The following PAX1 variants were observed in gnomAD, a reference collection of about 807,000 sequenced individuals.
PAX1 encodes paired box protein Pax-1.
A neutral mutation model predicts 35.6 loss-of-function variants in PAX1; 18 were observed. The ratio of observed to expected loss-of-function variants is 0.50; its 90% CI spans 0.35 to 0.75. The LOEUF is 0.75. PAX1 is among the 30% of genes least tolerant of loss of function. The pLI, the probability that PAX1 is intolerant of heterozygous loss-of-function variation, is 0.01. For missense variants in PAX1, 760 were observed against 661.5 expected, an observed-to-expected ratio of 1.15 and a Z score of -1.63; for synonymous variants, 397 against 305.2, an observed-to-expected ratio of 1.30 and a Z score of -3.14.
rs758378508 is a variant in PAX1 at position 21,706,622 on chromosome 20, C to G, written c.471C>G (p.Thr157=). 3 of 1,612,182 alleles carry G rather than the reference C, an allele frequency of 1.9e-6. No homozygotes were observed. The highest frequency in any genetic ancestry group is 1.7e-6 in the Non-Finnish European group (2 of 1,180,020). ...VSKILARYNE[T]GSILPGAIGG... ...AGATCCTGGCGCGCTACAACGAGAC[C>G]GGCTCCATTCTGCCCGGGGCCATCG... The change falls in exon 2 of 5, where the codon ACC becomes ACG. Residue 157 remains threonine (T), a synonymous_variant. Coordinates refer to ENST00000613128, the MANE Select transcript of PAX1 (RefSeq NM_001257096.2). The surrounding 1 kb of genome is among the most constrained non-coding windows in gnomAD (Gnocchi z 5.3).
chr20:21,707,513 T>C lies in PAX1; in HGVS notation c.916+446T>C, dbSNP rs555925005. ...AAAGGAAAAGGGATCTTGTGGTCGA[T>C]TGAGTGGCCTACATCTCTAAGGTCC... On this transcript the variant is annotated intron_variant, in intron 2 of 4. Transcript: ENST00000613128. Among the ~76,000 whole-genome samples, 18 of 152,214 alleles carry C rather than the reference T, an allele frequency of 1.2e-4. No homozygotes were observed. In the South Asian group the frequency reaches 1.9e-3, roughly 16 times the overall value.
At chr20:21,709,663 C>G (rs1350038258) in intron 4 of PAX1, among the ~76,000 whole-genome samples, 2 of 152,066 alleles carry the variant, frequency 1.3e-5, no homozygotes, top group African/African-American at 4.8e-5. Flanking sequence ...AGAGACTGGC[C>G]CCAAGACTGT....
chr20:21,705,898 C>T lies in PAX1; in HGVS notation c.186C>T (p.Arg62=). 1 of 1,368,976 alleles carries T rather than the reference C, an allele frequency of 7.3e-7. No homozygotes were observed. The highest frequency in any genetic ancestry group is 9.4e-7 in the Non-Finnish European group (1 of 1,059,174). The allele number at this position is 1,368,976 out of a possible 1,614,324, so 84.8% of individuals were successfully genotyped here. Residue 62 remains arginine (R), a synonymous_variant, in exon 1 of 5, where the codon CGC becomes CGT. Coordinates refer to ENST00000613128, the MANE Select transcript of PAX1 (RefSeq NM_001257096.2). ...LSGALPLCLS[R]GGGGAQALPD... is the part of the protein sequence containing the mutation. ...GCGCCCTCCCTCTATGCCTCTCACG[C>T]GGCGGCGGCGGCGCCCAAGCTCTCC...
chr20:21,712,109 A>G (rs912260064), intron 4 of PAX1, among the ~76,000 whole-genome samples: 1 of 152,220 alleles, frequency 6.6e-6, no homozygotes, highest in Non-Finnish European at 1.5e-5. Context: ...CCACACACGC[A>G]CAGTGCAATA....
chr20:21,705,912 C>T lies in PAX1; in HGVS notation c.200C>T (p.Ala67Val). 1 of 1,410,518 alleles carries T rather than the reference C, an allele frequency of 7.1e-7. No homozygotes were observed. Among genetic ancestry groups the T allele is most frequent in the Non-Finnish European group, 9.2e-7 (1 of 1,085,734 alleles). The allele number at this position is 1,410,518 out of a possible 1,614,324, so 87.4% of individuals were successfully genotyped here. ...TGCCTCTCACGCGGCGGCGGCGGCGCCCAAGCTCTCCCGGACTGCGCCGGG... is the reference window on the plus strand; with the variant it reads ...TGCCTCTCACGCGGCGGCGGCGGCGTCCAAGCTCTCCCGGACTGCGCCGGG... ...PLCLSRGGGG[A>V]QALPDCAGPS... Residue 67 changes from alanine to valine, a missense_variant, in exon 1 of 5, where the codon GCC becomes GTC. Transcript: ENST00000613128.
chr20:21,710,377 T>C (rs1164408661), intron 4 of PAX1, among the ~76,000 whole-genome samples: 2 of 152,150 alleles, frequency 1.3e-5, no homozygotes, highest in Non-Finnish European at 2.9e-5. Flanking sequence ...TTGCCAGTGC[T>C]TAGGTTCTGA....
Position 21,706,442 on chromosome 20 carries a change from G to C in PAX1, c.291G>C (p.Gln97His). The C allele has an allele frequency of 1.2e-6, 2 of 1,611,074 alleles. No individual in the cohort carries two copies. Among genetic ancestry groups the C allele is most frequent in the South Asian group, 1.1e-5 (1 of 91,078 alleles). Residue 97 changes from glutamine to histidine, a missense_variant, in exon 2 of 5, where the codon CAG (glutamine) becomes CAC (histidine). Gln to His is a conservative substitution (Grantham distance 24). Around this residue, in one of 3 missense-constraint regions of PAX1, gnomAD observed 222 missense variants for 153.0 expected, o/e 1.45. Transcript: ENST00000613128. The surrounding 1 kb of genome is among the most constrained non-coding windows in gnomAD (Gnocchi z 5.3). The part of the protein sequence containing the change: ...RQLAGPLAME[Q>H]TYGEVNQLGG... ...TCTTGTCTGGCGCATCCGCAGAGCA[G>C]ACGTATGGCGAGGTGAACCAGCTGG...
At chr20:21,707,149 G>C in intron 2 of PAX1, 82 bp downstream of exon 2, 1 of 1,540,896 alleles carries the variant, frequency 6.5e-7, no homozygotes. Context: ...ACTCACACTC[G>C]CTCTCCTCCC....
chr20:21,708,243 C>T, intron 2 of PAX1: 1 of 519,156 alleles, frequency 1.9e-6, no homozygotes, highest in East Asian at 3.5e-5. Context: ...TCGGAAGTTT[C>T]TGGGAGCCGT....
Position 21,705,917 on chromosome 20 carries a change from G to C in PAX1, c.205G>C (p.Ala69Pro). 1 of 1,413,170 alleles carries C rather than the reference G, an allele frequency of 7.1e-7. No homozygotes were observed. Among genetic ancestry groups the C allele is most frequent in the African/African-American group, 1.5e-5 (1 of 66,426 alleles). The allele number at this position is 1,413,170 out of a possible 1,614,324, so 87.5% of individuals were successfully genotyped here. ...CTCACGCGGCGGCGGCGGCGCCCAA[G>C]CTCTCCCGGACTGCGCCGGGCCCAG... Reference protein sequence around the residue: ...CLSRGGGGAQALPDCAGPSPG... With the variant: ...CLSRGGGGAQPLPDCAGPSPG... Residue 69 changes from alanine to proline, a missense_variant, in exon 1 of 5, where the codon GCT becomes CCT. Ala to Pro is a conservative substitution (Grantham distance 27). Coordinates refer to ENST00000613128, the MANE Select transcript of PAX1 (RefSeq NM_001257096.2).
Position 21,714,419 on chromosome 20 carries a change from G to A in PAX1, c.1283-52G>A, listed in dbSNP as rs1600329775. On this transcript the variant is annotated intron_variant, in intron 4 of 4. Coordinates refer to ENST00000613128, the MANE Select transcript of PAX1 (RefSeq NM_001257096.2). ...GGCGTCCTGAGTCCCAGTGCCTCTC[G>A]CACTGCGCGGCGCTAGGTAGTGATC... is the stretch of plus-strand genomic sequence containing the variant. 4 of 1,377,042 alleles carry A rather than the reference G, an allele frequency of 2.9e-6. No homozygotes were observed. In the East Asian group the frequency reaches 1.0e-4, roughly 34 times the overall value. The allele number at this position is 1,377,042 out of a possible 1,614,324, so 85.3% of individuals were successfully genotyped here.
chr20:21,708,794 TC>T, intron 3 of PAX1, 94 bp downstream of exon 3: 1 of 1,346,698 alleles, frequency 7.4e-7, no homozygotes. Context: ...AGAAAAAATT[TC>T]CAGGCAGAGA....
intron 3 of PAX1, 55 bp from the exon 4 acceptor site, chr20:21,709,167 T>A (rs1023623101): frequency 2.7e-5 from 35 of 1,320,212 alleles, no homozygotes; most frequent in Non-Finnish European, 3.8e-5. Context: ...AGTGATGGCG[T>A]GGGCTAGAGA....
rs2122133295 is a variant in PAX1 at position 21,706,618 on chromosome 20, A to G, written c.467A>G (p.Glu156Gly). Residue 156 changes from glutamate to glycine, a missense_variant, in exon 2 of 5, where the codon GAG becomes GGG. By Grantham distance (98) the Glu-to-Gly change is moderately conservative (BLOSUM62 -2). Transcript: ENST00000613128. This position sits in a 1 kb window ranked among gnomAD's most constrained non-coding sequence, Gnocchi z 5.3. ...CVSKILARYN[E>G]TGSILPGAIG... is the part of the protein sequence containing the mutation. The stretch of plus-strand genomic sequence containing the variant: ...AGCAAGATCCTGGCGCGCTACAACG[A>G]GACCGGCTCCATTCTGCCCGGGGCC... 6.2e-7 allele frequency: 1 copy of G among 1,612,282 alleles called. No homozygotes were observed. Among genetic ancestry groups the G allele is most frequent in the Non-Finnish European group, 8.5e-7 (1 of 1,180,014 alleles).
At chr20:21,713,382 TTGTGTGTG>T (rs1026316842) in intron 4 of PAX1, among the ~76,000 whole-genome samples, 142 of 146,380 alleles carry the variant, frequency 9.7e-4, no homozygotes, top group African/African-American at 3.3e-3. Flanking sequence ...TCTTTTTTTT[TTGTGTGTG>T]TGTGTGTGTG....
In PAX1 at chr20:21,715,815, C is replaced by G. The variant is rs1404114940; in HGVS notation, c.*1253C>G. ...ACAACAAAAACAACCCAGAAAGTATCTTCTAGAGCCAGCCGCAAGAGCTGT... is the reference window on the plus strand; with the variant it reads ...ACAACAAAAACAACCCAGAAAGTATGTTCTAGAGCCAGCCGCAAGAGCTGT... On this transcript the variant is annotated 3_prime_UTR_variant, in exon 5 of 5. Transcript: ENST00000613128. 1.5e-4 allele frequency: 23 copies of G among 152,794 alleles called. No individual in the cohort carries two copies. Among genetic ancestry groups the G allele is most frequent in the Admixed American group, 1.4e-3 (22 of 15,292 alleles). 9.5% of individuals were successfully genotyped at this position (152,794 alleles called of 1,614,324 possible).
chr20:21,708,364 C>G, intron 2 of PAX1, 194 bp from the exon 3 acceptor site: 1 of 745,642 alleles, frequency 1.3e-6, no homozygotes, highest in Non-Finnish European at 2.5e-6. Context: ...GGCAGCAGGC[C>G]TGGCTGCCTT....
rs115012791 is a variant in PAX1 at position 21,712,645 on chromosome 20, C to G, written c.1283-1826C>G. Among the ~76,000 whole-genome samples the G allele has an allele frequency of 3.2e-3, 495 of 152,330 alleles. 3 individuals carry two copies. Among genetic ancestry groups the G allele is most frequent in the African/African-American group, 0.011 (476 of 41,574 alleles). On this transcript the variant is annotated intron_variant, in intron 4 of 4. Transcript: ENST00000613128. ...AATCAAATCTATAAGATACTGCATA[C>G]GCACAAAGAAAATGTATTGCTTTTA...
intron 2 of PAX1, 100 bp from the exon 3 acceptor site, chr20:21,708,458 A>AC: frequency 7.1e-7 from 1 of 1,402,944 alleles, no homozygotes; most frequent in Non-Finnish European, 1.0e-6. Context: ...ATTTTGTGGG[A>AC]CCCCTGGCCG....
Sources: gnomAD v4.1 joint callset for allele counts (sites outside exome capture counted in the v4.1 genomes callset) on GRCh38, gnomAD v4.1.1 for gene constraint, gnomAD v4.1.1 regional missense constraint, Gnocchi (gnomAD v3.1) non-coding constraint, MANE v1.5 for transcripts, NCBI Gene and HGNC (gene_info 2026-07-23, HGNC 2026-07-21) for gene names.